ANO2: variants seen among roughly 807,000 people sequenced by gnomAD.
ANO2 encodes the protein anoctamin-2.
A neutral mutation model predicts 124.2 loss-of-function variants in ANO2; 101 were observed. The observed-to-expected ratio is 0.81, with a 90% confidence interval of 0.69 to 0.96. The LOEUF (loss-of-function observed/expected upper bound fraction) is 0.96. ANO2 is among the 40% of genes least tolerant of loss of function. The probability of loss-of-function intolerance (pLI) is 0.00; values close to 1 mark genes in which losing one functional copy is unlikely to be tolerated. For synonymous variants in ANO2, 486 were observed against 482.5 expected, an observed-to-expected ratio of 1.01 and a Z score of -0.09; for missense variants, 1,293 against 1,274.5, an observed-to-expected ratio of 1.01 and a Z score of -0.22.
intron 3 of ANO2, among the ~76,000 whole-genome samples, chr12:5,861,410 C>T (rs997630481): frequency 1.3e-5 from 2 of 151,990 alleles, no homozygotes; most frequent in Middle Eastern, 6.8e-3. Context: ...CTGGAGGTCG[C>T]GCTCCTGGTG....
At chr12:5,672,081 T>G (rs779829710) in intron 14 of ANO2, among the ~76,000 whole-genome samples, 40 of 152,142 alleles carry the variant, frequency 2.6e-4, no homozygotes, top group Non-Finnish European at 4.3e-4. Context: ...TCATCCAAGT[T>G]TCCACCTTAA....
intron 10 of ANO2, among the ~76,000 whole-genome samples, chr12:5,795,795 C>G (rs1025991585): frequency 2.6e-5 from 4 of 152,082 alleles, no homozygotes; most frequent in African/African-American, 7.2e-5. Flanking sequence ...TGGGTCAGAC[C>G]TGTACAAATC....
At chr12:5,729,667 A>G (rs1950559582) in intron 14 of ANO2, among the ~76,000 whole-genome samples, 1 of 147,560 alleles carries the variant, frequency 6.8e-6, no homozygotes, top group Non-Finnish European at 1.5e-5. Flanking sequence ...GTATATACCC[A>G]AGAAAAATGA....
chr12:5,612,229 C>T (rs1202657884), intron 19 of ANO2, among the ~76,000 whole-genome samples: 1 of 152,098 alleles, frequency 6.6e-6, no homozygotes, highest in Non-Finnish European at 1.5e-5. Flanking sequence ...ACTATTCCAC[C>T]CTCCCCTCCT....
intron 14 of ANO2, among the ~76,000 whole-genome samples, chr12:5,673,634 A>G (rs943641264): frequency 5.3e-5 from 8 of 152,190 alleles, no homozygotes; most frequent in Non-Finnish European, 1.0e-4. Flanking sequence ...TGATCACTAC[A>G]TTCCATTTTA....
intron 14 of ANO2, among the ~76,000 whole-genome samples, chr12:5,648,105 A>G (rs1565519654): frequency 1.3e-5 from 2 of 152,106 alleles, no homozygotes; most frequent in Non-Finnish European, 2.9e-5. Context: ...TCTTATTAAC[A>G]TTTCTGACAT....
At chr12:5,764,909 T>C (rs1480100734) in intron 10 of ANO2, among the ~76,000 whole-genome samples, 1 of 152,246 alleles carries the variant, frequency 6.6e-6, no homozygotes, top group African/African-American at 2.4e-5. Context: ...AGTCACTTCC[T>C]TCAGGAAAAC....
At chr12:5,867,943 G>A (rs1177717891) in intron 3 of ANO2, among the ~76,000 whole-genome samples, 1 of 152,078 alleles carries the variant, frequency 6.6e-6, no homozygotes, top group African/African-American at 2.4e-5. Flanking sequence ...GCAGGAAGTG[G>A]GAATGGTTAA....
At chr12:5,869,267 G>A (rs1955509685) in intron 3 of ANO2, among the ~76,000 whole-genome samples, 1 of 152,102 alleles carries the variant, frequency 6.6e-6, no homozygotes, top group African/African-American at 2.4e-5. Flanking sequence ...TCCACAGCGA[G>A]CCCTACCAGT....
Position 5,574,791 on chromosome 12 carries a change from T to C in ANO2, c.2621+1043A>G, listed in dbSNP as rs996781334. On this transcript the variant is annotated intron_variant, in intron 23 of 24. Transcript: ENST00000682330. The stretch of plus-strand genomic sequence containing the variant: ...TTCTCTAAACCTTCCCTTTATCCTA[T>C]CATTCCCTGACACTAAAAAAGTCCA... 5.3e-5 allele frequency among the ~76,000 whole-genome samples: 8 copies of C among 152,182 alleles called. No individual in the cohort carries two copies. The East Asian group carries it at 1.2e-3, about 22-fold the overall frequency.
chr12:5,767,130 T>C (rs112662748), intron 10 of ANO2, among the ~76,000 whole-genome samples: 1,676 of 152,338 alleles, frequency 0.011, 37 homozygotes, highest in African/African-American at 0.038. Context: ...AGCTGACCAC[T>C]GGCCCTGCCC....
chr12:5,575,610 G>A (rs1210179829), intron 23 of ANO2, among the ~76,000 whole-genome samples: 1 of 152,198 alleles, frequency 6.6e-6, no homozygotes, highest in Non-Finnish European at 1.5e-5. Context: ...ACTGTAGGCA[G>A]TAATATAGTG....
intron 3 of ANO2, among the ~76,000 whole-genome samples, chr12:5,880,471 G>A (rs7484640): frequency 0.46 from 70,187 of 151,710 alleles, 16,467 homozygotes; most frequent in South Asian, 0.59. Flanking sequence ...TGAGAACACT[G>A]ATACTTCAAT....
chr12:5,919,687 C>G (rs1464972768), intron 3 of ANO2, among the ~76,000 whole-genome samples: 1 of 141,238 alleles, frequency 7.1e-6, no homozygotes, highest in Non-Finnish European at 1.5e-5. Context: ...GGGGAGATGG[C>G]AAGGGAAGGT....
intron 16 of ANO2, among the ~76,000 whole-genome samples, chr12:5,623,591 T>C (rs1945235836): frequency 1.3e-5 from 2 of 152,032 alleles, no homozygotes; most frequent in South Asian, 4.1e-4. Context: ...GGGGGCCAGC[T>C]CAGGACTGAA....
At chr12:5,665,774 C>A (rs2136979553) in intron 14 of ANO2, among the ~76,000 whole-genome samples, 1 of 149,438 alleles carries the variant, frequency 6.7e-6, no homozygotes, top group African/African-American at 2.5e-5. Flanking sequence ...GGCCCTGACT[C>A]ACTGCATGGT....
intron 6 of ANO2, among the ~76,000 whole-genome samples, chr12:5,828,174 T>C (rs766351097): frequency 6.6e-6 from 1 of 152,084 alleles, no homozygotes; most frequent in South Asian, 2.1e-4. Flanking sequence ...AAGCCCTGGG[T>C]CTGTGGAGTA....
intron 22 of ANO2, among the ~76,000 whole-genome samples, chr12:5,577,702 G>C (rs1349229851): frequency 6.6e-6 from 1 of 152,174 alleles, no homozygotes; most frequent in African/African-American, 2.4e-5. Flanking sequence ...TTGACCGTCA[G>C]GGCCAAGGTA....
Position 5,563,222 on chromosome 12 carries a change from A to C in ANO2, c.*77T>G. On this transcript the variant is annotated 3_prime_UTR_variant, in exon 25 of 25. Coordinates refer to ENST00000682330, the MANE Select transcript of ANO2 (RefSeq NM_001364791.2). ...GGCCCCTGCAGACAGACAGCACGCC[A>C]TGTGGGTGTAGGAACATGCTTACGT... 1 of 1,501,372 alleles carries C rather than the reference A, an allele frequency of 6.7e-7. No individual in the cohort carries two copies. Among genetic ancestry groups the C allele is most frequent in the Non-Finnish European group, 8.9e-7 (1 of 1,125,712 alleles). 93.0% of individuals were successfully genotyped at this position (1,501,372 alleles called of 1,614,324 possible).
Sources: allele counts gnomAD v4.1 joint callset (sites outside exome capture counted in the v4.1 genomes callset), GRCh38; gene constraint gnomAD v4.1.1; transcripts MANE v1.5; gene names NCBI Gene and HGNC (gene_info 2026-07-23, HGNC 2026-07-21).